Variants in MYO5B observed in about 807,000 individuals in gnomAD.
MYO5B encodes myosin VB.
In MYO5B, 143 loss-of-function variants were observed where a neutral mutation model predicts 229.3. The ratio of observed to expected loss-of-function variants is 0.62; its 90% confidence interval spans 0.54 to 0.72. The LOEUF is 0.72. Among genes scored for constraint, MYO5B ranks in the 30% least tolerant of loss-of-function variants. The pLI is 0.00. For synonymous variants in MYO5B, 918 were observed against 885.2 expected (o/e 1.04, Z -0.66); for missense variants, 2,321 against 2,331.0 (o/e 1.00, Z 0.09).
intron 14 of MYO5B, among the ~76,000 whole-genome samples, chr18:49,945,062 C>T (rs1270849102): frequency 1.3e-5 from 2 of 152,208 alleles, no homozygotes; most frequent in Non-Finnish European, 1.5e-5. Context: ...CTTAGCAGTT[C>T]TGCTTCCTCT....
chr18:50,103,502 C>A (rs1467382332), intron 1 of MYO5B, among the ~76,000 whole-genome samples: 1 of 152,174 alleles, frequency 6.6e-6, no homozygotes, highest in Non-Finnish European at 1.5e-5. Context: ...GTAATATCAG[C>A]ACTTTGGGAG....
At chr18:49,841,233 AG>A in intron 35 of MYO5B, 131 bp downstream of exon 35, 1 of 826,538 alleles carries the variant, frequency 1.2e-6, no homozygotes, top group East Asian at 2.4e-5. Context: ...AGGCATGATA[AG>A]GTGTGCCCAC....
In MYO5B at chr18:49,825,613, C is replaced by T. The variant is rs2023833142; in HGVS notation, c.*858G>A. 6.6e-6 allele frequency: 1 copy of T among 152,152 alleles called. No individual in the cohort carries two copies. Among genetic ancestry groups the T allele is most frequent in the Non-Finnish European group, 1.5e-5 (1 of 68,020 alleles). 9.4% of individuals were successfully genotyped at this position (152,152 alleles called of 1,614,324 possible). ...TTCATATTGACTTGTTTGGTTTTTA[C>T]ATCTATAAATAAAACAAGTTTGTTA... On this transcript the variant is annotated 3_prime_UTR_variant, in exon 40 of 40. Transcript: ENST00000285039.
intron 4 of MYO5B, among the ~76,000 whole-genome samples, chr18:50,012,069 G>A (rs765054280): frequency 3.3e-5 from 5 of 151,782 alleles, no homozygotes; most frequent in Admixed American, 2.6e-4. Flanking sequence ...AGAAGTGCTC[G>A]TGGAGCTTAG....
chr18:50,074,108 T>C (rs1194004040), intron 1 of MYO5B, among the ~76,000 whole-genome samples: 1 of 152,170 alleles, frequency 6.6e-6, no homozygotes, highest in Non-Finnish European at 1.5e-5. Flanking sequence ...CAGTTCCACA[T>C]GGCTGGGGAG....
intron 23 of MYO5B, chr18:49,879,370 C>T (rs1231667317): frequency 5.4e-5 from 25 of 464,618 alleles, no homozygotes; most frequent in Non-Finnish European, 9.1e-5. Flanking sequence ...GCCCCAGCCT[C>T]TCTTCTGCCA....
In MYO5B at chr18:49,974,556, C is replaced by T. The variant is rs2144281939; in HGVS notation, c.1116G>A (p.Met372Ile). ...CRLLGVEHSQMEHWLCHRKLV... is the reference protein window; with the variant it reads ...CRLLGVEHSQIEHWLCHRKLV... ...GCTTGCGATGACACAGCCAGTGCTCCATCTGACTGTGCTCCACCCCTAGCA... is the reference window on the plus strand; with the variant it reads ...GCTTGCGATGACACAGCCAGTGCTCTATCTGACTGTGCTCCACCCCTAGCA... Residue 372 changes from methionine (M) to isoleucine (I), a missense_variant, in exon 10 of 40, where the codon ATG becomes ATA. Coordinates refer to ENST00000285039, the MANE Select transcript of MYO5B (RefSeq NM_001080467.3). 6.2e-7 allele frequency: 1 copy of T among 1,614,118 alleles called. No homozygotes were observed. The highest frequency in any genetic ancestry group is 1.6e-4 in the Middle Eastern group (1 of 6,062).
At chr18:50,027,887 G>C (rs1411813716) in intron 4 of MYO5B, among the ~76,000 whole-genome samples, 9 of 152,118 alleles carry the variant, frequency 5.9e-5, no homozygotes, top group African/African-American at 2.2e-4. Context: ...AATTTAATAT[G>C]GATAGAATCC....
intron 15 of MYO5B, 24 bp from the exon 16 acceptor site, chr18:49,936,373 T>C: frequency 6.5e-7 from 1 of 1,540,990 alleles, no homozygotes; most frequent in Non-Finnish European, 8.9e-7. Flanking sequence ...AGCCAGTGCT[T>C]GGTTAGTTTT....
chr18:50,075,719 G>A (rs966570294), intron 1 of MYO5B, among the ~76,000 whole-genome samples: 5 of 152,228 alleles, frequency 3.3e-5, no homozygotes, highest in African/African-American at 1.2e-4. Context: ...CACAGGGCAG[G>A]AAGCCCAAGT....
intron 2 of MYO5B, among the ~76,000 whole-genome samples, chr18:50,048,591 A>T (rs2030302049): frequency 6.6e-6 from 1 of 152,180 alleles, no homozygotes; most frequent in African/African-American, 2.4e-5. Flanking sequence ...CCCACTCGAC[A>T]AAAGTAATCA....
At chr18:50,122,961 C>A (rs976122828) in intron 1 of MYO5B, among the ~76,000 whole-genome samples, 2 of 152,322 alleles carry the variant, frequency 1.3e-5, no homozygotes, top group South Asian at 4.1e-4. Context: ...AGCAATTCCA[C>A]TGCATGCTAT....
intron 18 of MYO5B, among the ~76,000 whole-genome samples, chr18:49,909,972 C>T (rs1459529315): frequency 6.6e-6 from 1 of 152,206 alleles, no homozygotes; most frequent in African/African-American, 2.4e-5. Flanking sequence ...CATAAAGACA[C>T]TGTCCTCTAC....
chr18:49,912,160 C>A lies in MYO5B; in HGVS notation c.2104G>T (p.Asp702Tyr), dbSNP rs1383692926. The change falls in exon 18 of 40, where the codon GAC becomes TAC. Residue 702 changes from aspartate (D) to tyrosine (Y), a missense_variant. This residue lies in a region of MYO5B where 2,113 missense variants were observed against 2,044.7 expected (regional missense o/e 1.03). Transcript: ENST00000285039. ...AGYPSRWAYH[D>Y]FFNRYRVLVK... ...AGCACCCGATACCGGTTGAAAAAGT[C>A]ATGGTAGGCCCACCTGGAGGGAAAG... The A allele has an allele frequency of 6.2e-7, 1 of 1,613,920 alleles. No homozygotes were observed. The highest frequency in any genetic ancestry group is 8.5e-7 in the Non-Finnish European group (1 of 1,179,988).
chr18:49,857,514 A>C (rs1812397985), intron 29 of MYO5B, among the ~76,000 whole-genome samples: 1 of 152,176 alleles, frequency 6.6e-6, no homozygotes, highest in Admixed American at 6.5e-5. Context: ...AGGCACAAAA[A>C]TATTAACTAA....
intron 19 of MYO5B, among the ~76,000 whole-genome samples, chr18:49,906,174 A>G (rs1179235940): frequency 6.6e-6 from 1 of 152,154 alleles, no homozygotes; most frequent in Admixed American, 6.5e-5. Flanking sequence ...GCTGGTTCTA[A>G]TGCTGGTAGG....
intron 1 of MYO5B, among the ~76,000 whole-genome samples, chr18:50,076,632 GAC>G (rs1399470407): frequency 6.6e-6 from 1 of 152,064 alleles, no homozygotes; most frequent in Non-Finnish European, 1.5e-5. Context: ...GTCTAAATAA[GAC>G]AATTCCAAAA....
chr18:49,890,378 T>C (rs12960887), intron 22 of MYO5B, among the ~76,000 whole-genome samples: 10 of 27,026 alleles, frequency 3.7e-4, no homozygotes, highest in Admixed American at 9.3e-4. Flanking sequence ...TTTTTTGGAC[T>C]GGGGGAGTGG....
At chr18:49,997,638 A>T (rs527974301) in intron 5 of MYO5B, among the ~76,000 whole-genome samples, 1 of 152,232 alleles carries the variant, frequency 6.6e-6, no homozygotes, top group East Asian at 1.9e-4. Flanking sequence ...CACTCCTGGG[A>T]TGCTGACAAG....
Sources: gnomAD v4.1 joint callset for allele counts (sites outside exome capture counted in the v4.1 genomes callset) on GRCh38, gnomAD v4.1.1 for gene constraint, gnomAD v4.1.1 regional missense constraint, MANE v1.5 for transcripts, NCBI Gene and HGNC (gene_info 2026-07-23, HGNC 2026-07-21) for gene names.